TRAPPC9: variants seen among roughly 807,000 people sequenced by gnomAD.
TRAPPC9 encodes IKK2 binding protein.
In TRAPPC9, 83 loss-of-function variants were observed where a neutral mutation model predicts 124.0. That is an observed-to-expected ratio of 0.67 (90% CI 0.56 to 0.80). TRAPPC9 has a LOEUF of 0.80. Among genes scored for constraint, TRAPPC9 ranks in the 30% least tolerant of loss-of-function variants. The pLI is 0.00. For missense variants in TRAPPC9, 1,302 were observed against 1,508.3 expected (o/e 0.86, Z 2.27); for synonymous variants, 638 against 617.5 (o/e 1.03, Z -0.49).
intron 17 of TRAPPC9, among the ~76,000 whole-genome samples, chr8:140,198,389 CTG>C (rs1232330739): frequency 1.3e-5 from 2 of 152,112 alleles, no homozygotes; most frequent in African/African-American, 4.8e-5. Flanking sequence ...CCTAAGATCA[CTG>C]CTTGAGGTAT....
chr8:140,153,765 T>C (rs1329600012), intron 17 of TRAPPC9, among the ~76,000 whole-genome samples: 1 of 152,222 alleles, frequency 6.6e-6, no homozygotes, highest in African/African-American at 2.4e-5. Context: ...AACCTTTCAA[T>C]AGCCGCAGAT....
chr8:139,900,275 A>G (rs895827257), intron 20 of TRAPPC9, among the ~76,000 whole-genome samples: 2 of 152,104 alleles, frequency 1.3e-5, no homozygotes, highest in African/African-American at 2.4e-5. Flanking sequence ...CTGTGCCTGG[A>G]GCACCCTTAG....
At chr8:140,003,943 C>T (rs1248133860) in intron 18 of TRAPPC9, among the ~76,000 whole-genome samples, 1 of 152,190 alleles carries the variant, frequency 6.6e-6, no homozygotes, top group Non-Finnish European at 1.5e-5. Context: ...TGGTAACAGC[C>T]TAAATGTCCT....
At chr8:139,998,768 C>T (rs533223772) in intron 18 of TRAPPC9, among the ~76,000 whole-genome samples, 36 of 151,882 alleles carry the variant, frequency 2.4e-4, no homozygotes, top group African/African-American at 8.0e-4. Flanking sequence ...AAACAATGAA[C>T]GATATATGAT....
intron 17 of TRAPPC9, among the ~76,000 whole-genome samples, chr8:140,024,969 G>A (rs1040068066): frequency 2.6e-5 from 4 of 152,186 alleles, no homozygotes; most frequent in African/African-American, 9.7e-5. Flanking sequence ...CATTCCAGGA[G>A]AGGCAGGGTG....
chr8:140,405,999 A>G (rs550586478), intron 5 of TRAPPC9, among the ~76,000 whole-genome samples: 3 of 152,366 alleles, frequency 2.0e-5, no homozygotes, highest in Admixed American at 2.0e-4. Flanking sequence ...CTTGAAGGCA[A>G]TGGTGAAGTC....
chr8:140,249,285 CT>C (rs1306168038), intron 16 of TRAPPC9, among the ~76,000 whole-genome samples: 3 of 152,120 alleles, frequency 2.0e-5, no homozygotes, highest in Non-Finnish European at 4.4e-5. Flanking sequence ...GCTGTATTTG[CT>C]TTTCTATTCC....
chr8:139,896,186 G>T (rs1409785898), intron 20 of TRAPPC9, among the ~76,000 whole-genome samples: 1 of 152,216 alleles, frequency 6.6e-6, no homozygotes, highest in Non-Finnish European at 1.5e-5. Flanking sequence ...CACAAGAATG[G>T]CAAGGCTGGC....
At chr8:139,968,398 C>T (rs1019195780) in intron 19 of TRAPPC9, among the ~76,000 whole-genome samples, 3 of 152,172 alleles carry the variant, frequency 2.0e-5, no homozygotes, top group Admixed American at 6.5e-5. Context: ...CTGACTCCTG[C>T]CTTCCTGGGA....
At chr8:139,773,491 G>A (rs1270347085) in intron 21 of TRAPPC9, among the ~76,000 whole-genome samples, 1 of 152,190 alleles carries the variant, frequency 6.6e-6, no homozygotes, top group East Asian at 1.9e-4. Context: ...GCGATGATGG[G>A]GTGAGTCCTC....
In TRAPPC9 at chr8:140,353,886, T is replaced by G. The variant is rs1485041494; in HGVS notation, c.1495+6164A>C. ...GGTGTCTTTGAGGAGCTTAGAGGCT[T>G]GCTGGGTGGGCAAACAGACCAACAC... On this transcript the variant is annotated intron_variant, in intron 9 of 22. Coordinates refer to ENST00000438773, the MANE Select transcript of TRAPPC9 (RefSeq NM_001160372.4). The surrounding 1 kb of genome is among the most constrained non-coding windows in gnomAD (Gnocchi z 4.2). Among the ~76,000 whole-genome samples, 3 of 152,208 alleles carry G rather than the reference T, an allele frequency of 2.0e-5. No individual in the cohort carries two copies.
chr8:140,273,148 G>A (rs755768309), intron 15 of TRAPPC9, among the ~76,000 whole-genome samples: 10 of 152,140 alleles, frequency 6.6e-5, no homozygotes, highest in African/African-American at 9.7e-5. Flanking sequence ...CACCGGAGCC[G>A]GGACACTCCT....
At chr8:140,418,782 ACAG>A (rs1564010875) in intron 5 of TRAPPC9, among the ~76,000 whole-genome samples, 5 of 152,174 alleles carry the variant, frequency 3.3e-5, no homozygotes, top group African/African-American at 9.7e-5. Flanking sequence ...AGACAGACAG[ACAG>A]ACAGATGCAA....
At chr8:139,858,682 A>G (rs1827948744) in intron 21 of TRAPPC9, among the ~76,000 whole-genome samples, 1 of 152,058 alleles carries the variant, frequency 6.6e-6, no homozygotes, top group Non-Finnish European at 1.5e-5. Context: ...CTGCTCGTCC[A>G]TGAGTGTCTA....
intron 6 of TRAPPC9, 116 bp downstream of exon 6, chr8:140,405,461 T>G: frequency 8.5e-7 from 1 of 1,171,798 alleles, no homozygotes; most frequent in East Asian, 2.5e-5. Context: ...GAGCAAGACA[T>G]GAATACTTAC....
At chr8:140,309,797 T>C (rs932968170) in intron 10 of TRAPPC9, among the ~76,000 whole-genome samples, 1 of 152,246 alleles carries the variant, frequency 6.6e-6, no homozygotes, top group Admixed American at 6.5e-5. Flanking sequence ...CACTGGGCAC[T>C]GCAGAGCAGC....
chr8:139,817,107 G>C lies in TRAPPC9; in HGVS notation c.3055+68772C>G, dbSNP rs142743509. On this transcript the variant is annotated intron_variant, in intron 21 of 22. Coordinates refer to ENST00000438773, the MANE Select transcript of TRAPPC9 (RefSeq NM_001160372.4). ...GCCACTGCTTTCTGAGCACCCCCAG[G>C]GTGCTGCAGGCTGGGCCTGGTGCTC... Among the ~76,000 whole-genome samples the C allele has an allele frequency of 4.4e-3, 534 of 121,628 alleles. 3 individuals are homozygous for C. Among genetic ancestry groups the C allele is most frequent in the African/African-American group, 0.017 (481 of 28,516 alleles). 79.8% of individuals were successfully genotyped at this position (121,628 alleles called of 152,430 possible). A position where few individuals can be genotyped will look rare whatever the true frequency, so the allele number is the denominator to read the frequency against.
Position 140,313,299 on chromosome 8 carries a change from T to C in TRAPPC9, c.1496-1925A>G, listed in dbSNP as rs151204375. ...TATTCAGTTGAATTCTACCACCCCA[T>C]ACACACTCTCGGTAAATGCTGCTGA... On this transcript the variant is annotated intron_variant, in intron 9 of 22. Transcript: ENST00000438773. Among the ~76,000 whole-genome samples the C allele has an allele frequency of 2.6e-4, 40 of 152,194 alleles. 1 individual carries two copies. The East Asian group carries it at 7.1e-3, about 27-fold the overall frequency.
intron 15 of TRAPPC9, among the ~76,000 whole-genome samples, chr8:140,266,583 G>A (rs541407105): frequency 2.6e-4 from 39 of 152,188 alleles, no homozygotes; most frequent in African/African-American, 9.4e-4. Flanking sequence ...CTGTGGCCGG[G>A]TGCAGTGGCT....
Sources: gnomAD v4.1 joint callset for allele counts (sites outside exome capture counted in the v4.1 genomes callset) on GRCh38, gnomAD v4.1.1 for gene constraint, Gnocchi (gnomAD v3.1) non-coding constraint, MANE v1.5 for transcripts, NCBI Gene and HGNC (gene_info 2026-07-23, HGNC 2026-07-21) for gene names.